PGM3: variants seen among roughly 807,000 people sequenced by gnomAD.
PGM3 encodes the protein phosphoacetylglucosamine mutase.
A neutral mutation model predicts 66.2 loss-of-function variants in PGM3; 40 were observed. The observed-to-expected ratio is 0.60, with a 90% CI of 0.47 to 0.79. The LOEUF (loss-of-function observed/expected upper bound fraction) is 0.79. Ranked by LOEUF, PGM3 falls within the 30% of genes least tolerant of loss-of-function variation. PGM3 has a pLI of 0.00. For synonymous variants in PGM3, 191 were observed against 224.2 expected (o/e 0.85, Z 1.32); for missense variants, 537 against 643.4 (o/e 0.83, Z 1.79).
chr6:83,159,697 G>T (rs779866847), downstream of PGM3: 3 of 1,331,156 alleles, frequency 2.3e-6, no homozygotes, highest in African/African-American at 4.4e-5. Context: ...TTTATCTCAG[G>T]ATGATTATGA....
chr6:83,156,157 T>C (rs570220835), downstream of PGM3: 5 of 1,425,416 alleles, frequency 3.5e-6, no homozygotes, highest in African/African-American at 2.9e-5. Flanking sequence ...TTTGGTTCCT[T>C]AGAAAATACT....
intron 8 of PGM3, chr6:83,176,282 G>T (rs1255106987): frequency 1.8e-5 from 8 of 454,922 alleles, no homozygotes. Context: ...AGAGATGAGG[G>T]TCTCCTTATA....
the PGM3 span, chr6:83,152,184 C>A: frequency 2.7e-6 from 2 of 727,510 alleles, no homozygotes; most frequent in Non-Finnish European, 2.1e-6. Context: ...TATACATATA[C>A]ATATATATAT....
At chr6:83,149,806 G>A in the PGM3 span, among the ~76,000 whole-genome samples, 2 of 152,118 alleles carry the variant, frequency 1.3e-5, no homozygotes, top group Non-Finnish European at 2.9e-5. Flanking sequence ...GATAGAAAGG[G>A]AAGTATCAAA....
chr6:83,164,957 G>T lies in PGM3; in HGVS notation c.*4277C>A. The T allele has an allele frequency of 4.8e-6, 2 of 420,734 alleles. No individual in the cohort carries two copies. Among genetic ancestry groups the T allele is most frequent in the Non-Finnish European group, 8.4e-6 (2 of 237,892 alleles). 26.1% of individuals were successfully genotyped at this position (420,734 alleles called of 1,614,324 possible). ...GAGCATCAGAAACTCTGAATCAAGT[G>T]TATTCTTCTTGGTCAAGAGCTTAAT... is the stretch of plus-strand genomic sequence containing the variant. On this transcript the variant is annotated 3_prime_UTR_variant, in exon 13 of 13. Transcript: ENST00000513973.
rs1458085085 is a variant in PGM3, at chr6:83,170,320, T to C, written c.1524A>G (p.Ala508=). The C allele has an allele frequency of 6.2e-7, 1 of 1,614,058 alleles. No individual in the cohort carries two copies. Among genetic ancestry groups the C allele is most frequent in the African/African-American group, 1.3e-5 (1 of 74,932 alleles). Residue 508 remains alanine (A), a synonymous_variant, in exon 12 of 13, where the codon GCA becomes GCG. Transcript: ENST00000513973. ...CCCAGCTTACTTGTGAGTCTGCTTCTGCATATACTCGGACGACATCTTCTG... is the reference window on the plus strand; with the variant it reads ...CCCAGCTTACTTGTGAGTCTGCTTCCGCATATACTCGGACGACATCTTCTG... ...SGTEDVVRVY[A]EADSQESADH... is the part of the protein sequence containing the mutation.
rs1461464280 is a variant in PGM3, at chr6:83,168,125, G to A, written c.*1109C>T. On this transcript the variant is annotated 3_prime_UTR_variant, in exon 13 of 13. Transcript: ENST00000513973. Reference sequence around the variant, plus strand: ...GCAAAGCCAGGCAAAAAATAGAAGAGATGGTAGAAAAAGATTTTCTGGAAG... The same window carrying A: ...GCAAAGCCAGGCAAAAAATAGAAGAAATGGTAGAAAAAGATTTTCTGGAAG... 6.2e-7 allele frequency: 1 copy of A among 1,613,316 alleles called. No individual in the cohort carries two copies. Among genetic ancestry groups the A allele is most frequent in the South Asian group, 1.1e-5 (1 of 90,902 alleles).
intron 9 of PGM3, among the ~76,000 whole-genome samples, chr6:83,174,983 T>A (rs1787646790): frequency 6.6e-6 from 1 of 152,236 alleles, no homozygotes; most frequent in Non-Finnish European, 1.5e-5. Flanking sequence ...CATTACAATA[T>A]ATAATTCATC....
At chr6:83,187,592 T>C (rs1208732682) in intron 3 of PGM3, among the ~76,000 whole-genome samples, 1 of 152,100 alleles carries the variant, frequency 6.6e-6, no homozygotes, top group Non-Finnish European at 1.5e-5. Flanking sequence ...GGTGGGTGGA[T>C]CACAAGATTG....
Position 83,182,217 on chromosome 6 carries a change from A to G in PGM3, c.592-286T>C, listed in dbSNP as rs531923019. On this transcript the variant is annotated intron_variant, in intron 5 of 12. Transcript: ENST00000513973. ...CAATTAACAGGGTCTCTTAAAAGTA[A>G]TATTACAAGGGAGCCATTCAAATGC... 6.6e-5 allele frequency among the ~76,000 whole-genome samples: 10 copies of G among 152,330 alleles called. No homozygotes were observed. In the South Asian group the frequency reaches 1.7e-3, roughly 25 times the overall value.
Position 83,167,978 on chromosome 6 carries a change from C to CAGT in PGM3, c.*1253_*1255dup. 6.2e-7 allele frequency: 1 copy of CAGT among 1,614,182 alleles called. No homozygotes were observed. The highest frequency in any genetic ancestry group is 8.5e-7 in the Non-Finnish European group (1 of 1,180,034). On this transcript the variant is annotated 3_prime_UTR_variant, in exon 13 of 13. Transcript: ENST00000513973. ...AGCTCCTGCCGTTCTTCAATGTGCT[C>CAGT]AGTCAAGTCTTCAACAGCAAAGTCA...
the PGM3 span, chr6:83,152,228 A>G: frequency 1.0e-6 from 1 of 955,374 alleles, no homozygotes; most frequent in East Asian, 2.8e-5. Context: ...ACACACACAC[A>G]CACATAAAAT....
chr6:83,191,186 C>T, intron 1 of PGM3, 172 bp from the exon 2 acceptor site: 1 of 1,532,220 alleles, frequency 6.5e-7, no homozygotes, highest in East Asian at 2.4e-5. Flanking sequence ...GTTAGAATTA[C>T]CTACAAGATG....
At position 83,166,734 on chromosome 6, in the gene PGM3, A is replaced by G; in HGVS notation, c.*2500T>C. 8.7e-7 allele frequency: 1 copy of G among 1,153,922 alleles called. No homozygotes were observed. Among genetic ancestry groups the G allele is most frequent in the Non-Finnish European group, 1.1e-6 (1 of 939,056 alleles). 71.5% of individuals were successfully genotyped at this position (1,153,922 alleles called of 1,614,324 possible). On this transcript the variant is annotated 3_prime_UTR_variant, in exon 13 of 13. Coordinates refer to ENST00000513973, the MANE Select transcript of PGM3 (RefSeq NM_015599.3). ...CTTTAAAATAAGCAATAAGCTTGAG[A>G]GCACATAGAAGAAAATAAGCTGGAT...
Position 83,165,955 on chromosome 6 carries a change from G to T in PGM3, c.*3279C>A. The T allele has an allele frequency of 2.9e-6, 1 of 341,798 alleles. No homozygotes were observed. Among genetic ancestry groups the T allele is most frequent in the South Asian group, 2.7e-5 (1 of 36,662 alleles). 21.2% of individuals were successfully genotyped at this position (341,798 alleles called of 1,614,324 possible). A position where few individuals can be genotyped will look rare whatever the true frequency, so the allele number is the denominator to read the frequency against. ...GACTGGCAGCAAACCACCAAACAAT[G>T]ACCATGACCATTTTTTGGAGCAAGT... On this transcript the variant is annotated 3_prime_UTR_variant, in exon 13 of 13. Coordinates refer to ENST00000513973, the MANE Select transcript of PGM3 (RefSeq NM_015599.3).
intron 10 of PGM3, 52 bp from the exon 11 acceptor site, chr6:83,172,111 G>A (rs1289769584): frequency 1.3e-6 from 2 of 1,595,114 alleles, no homozygotes; most frequent in East Asian, 2.2e-5. Flanking sequence ...GCAAATCTTG[G>A]AAATGGATGT....
At chr6:83,157,613 C>G (rs927093), downstream of PGM3, among the ~76,000 whole-genome samples, 1 of 152,168 alleles carries the variant, frequency 6.6e-6, no homozygotes, top group African/African-American at 2.4e-5. Flanking sequence ...CTGTCATGGC[C>G]TACAGTCCTG....
In PGM3 at chr6:83,168,577, G is replaced by A; in HGVS notation, c.*657C>T. The A allele has an allele frequency of 1.0e-6, 1 of 997,564 alleles. No individual in the cohort carries two copies. Among genetic ancestry groups the A allele is most frequent in the Non-Finnish European group, 1.2e-6 (1 of 837,772 alleles). The allele number at this position is 997,564 out of a possible 1,614,324, so 61.8% of individuals were successfully genotyped here. A position where few individuals can be genotyped will look rare whatever the true frequency, so the allele number is the denominator to read the frequency against. On this transcript the variant is annotated 3_prime_UTR_variant, in exon 13 of 13. Transcript: ENST00000513973. ...TGGTGTTCCTTCTCCATCAGAGGCT[G>A]GGAAACGTATTATAATTAGTTTTTC...
Position 83,172,030 on chromosome 6 carries a change from C to T in PGM3, c.1272G>A (p.Leu424=). Reference sequence around the variant, plus strand: ...TCAGAGCCAAGATTGCTTCAATCACCAGCATGTCAGAAATAGCATCACCAG... The same window carrying T: ...TCAGAGCCAAGATTGCTTCAATCACTAGCATGTCAGAAATAGCATCACCAG... The part of the protein sequence containing the change: ...QAAGDAISDM[L]VIEAILALKG... The change falls in exon 11 of 13, where the codon CTG becomes CTA. Residue 424 remains leucine, a synonymous_variant. Transcript: ENST00000513973. 1 of 1,613,858 alleles carries T rather than the reference C, an allele frequency of 6.2e-7. No individual in the cohort carries two copies. Among genetic ancestry groups the T allele is most frequent in the Non-Finnish European group, 8.5e-7 (1 of 1,179,794 alleles).
Sources: allele counts gnomAD v4.1 joint callset (sites outside exome capture counted in the v4.1 genomes callset), GRCh38; gene constraint gnomAD v4.1.1; transcripts MANE v1.5; gene names NCBI Gene and HGNC (gene_info 2026-07-23, HGNC 2026-07-21).